UBTD2: variants seen among roughly 807,000 people sequenced by gnomAD.
UBTD2 encodes the protein ubiquitin domain-containing protein 2.
In UBTD2, 9 loss-of-function variants were observed where a neutral mutation model predicts 19.8. That is an observed-to-expected ratio of 0.46 (90% CI 0.27 to 0.79). The LOEUF (loss-of-function observed/expected upper bound fraction) is 0.79, where lower values mean the gene tolerates loss of function less well. Ranked by LOEUF, UBTD2 falls within the 30% of genes least tolerant of loss-of-function variation. The pLI is 0.14. For missense variants in UBTD2, 250 were observed against 300.4 expected (o/e 0.83, Z 1.24); for synonymous variants, 98 against 103.9 (o/e 0.94, Z 0.35).
chr5:172,234,434 T>G (rs1771968543), intron 1 of UBTD2, 76 bp from the exon 2 acceptor site: 2 of 1,211,072 alleles, frequency 1.7e-6, no homozygotes, highest in Non-Finnish European at 2.4e-6. Flanking sequence ...TGGTCATTCC[T>G]CTCTTGGATT....
intron 1 of UBTD2, among the ~76,000 whole-genome samples, chr5:172,235,137 T>G (rs1379372616): frequency 3.3e-5 from 5 of 152,106 alleles, no homozygotes; most frequent in South Asian, 4.1e-4. Context: ...TTAAAAGAAC[T>G]GCCTAGAAGG....
chr5:172,275,232 T>C (rs1345743645), intron 1 of UBTD2, among the ~76,000 whole-genome samples: 1 of 152,114 alleles, frequency 6.6e-6, no homozygotes, highest in Non-Finnish European at 1.5e-5. Context: ...ACCACAAATC[T>C]TGTGAGAACT....
At chr5:172,261,344 C>A (rs1350125048) in intron 1 of UBTD2, among the ~76,000 whole-genome samples, 1 of 152,164 alleles carries the variant, frequency 6.6e-6, no homozygotes, top group African/African-American at 2.4e-5. Context: ...AGAGCACAGG[C>A]CTAGAAAAGC....
chr5:172,223,561 T>C (rs1301576632), intron 2 of UBTD2, among the ~76,000 whole-genome samples: 1 of 113,234 alleles, frequency 8.8e-6, no homozygotes, highest in Non-Finnish European at 1.6e-5. Flanking sequence ...ATCACGCCAC[T>C]GCACTCCAGC....
chr5:172,260,435 C>T (rs1024303214), intron 1 of UBTD2, among the ~76,000 whole-genome samples: 2 of 152,096 alleles, frequency 1.3e-5, no homozygotes, highest in African/African-American at 4.8e-5. Flanking sequence ...ATTGATTATT[C>T]CCTTCTTAAA....
At chr5:172,263,547 C>T (rs911903353) in intron 1 of UBTD2, among the ~76,000 whole-genome samples, 6 of 152,204 alleles carry the variant, frequency 3.9e-5, no homozygotes, top group Admixed American at 6.5e-5. Context: ...ATAGTCCCAG[C>T]ACTTTGGGAG....
At chr5:172,236,951 C>A (rs1226368530) in intron 1 of UBTD2, among the ~76,000 whole-genome samples, 1 of 152,146 alleles carries the variant, frequency 6.6e-6, no homozygotes, top group African/African-American at 2.4e-5. Context: ...TTGTAAAACA[C>A]CTTCCTTACA....
intron 2 of UBTD2, among the ~76,000 whole-genome samples, chr5:172,221,505 AT>A (rs1389698013): frequency 1.3e-5 from 2 of 152,204 alleles, no homozygotes; most frequent in African/African-American, 4.8e-5. Flanking sequence ...CTATCTATAA[AT>A]AAATAATAAA....
At chr5:172,225,028 T>C (rs1771737140) in intron 2 of UBTD2, among the ~76,000 whole-genome samples, 1 of 152,144 alleles carries the variant, frequency 6.6e-6, no homozygotes, top group African/African-American at 2.4e-5. Flanking sequence ...AGTTTTAACA[T>C]AGTTCTAGCC....
intron 1 of UBTD2, among the ~76,000 whole-genome samples, chr5:172,243,774 G>A (rs1772180194): frequency 1.3e-5 from 2 of 151,806 alleles, no homozygotes; most frequent in Non-Finnish European, 2.9e-5. Context: ...TGTTGGCCAG[G>A]CTGGTCTCGA....
chr5:172,252,300 G>C (rs1268420399), intron 1 of UBTD2: 1 of 152,212 alleles, frequency 6.6e-6, no homozygotes, highest in Non-Finnish European at 1.5e-5. Flanking sequence ...CCCATACTTA[G>C]GATGGCACAG....
intron 1 of UBTD2, among the ~76,000 whole-genome samples, chr5:172,250,929 G>A (rs1444217754): frequency 1.3e-3 from 49 of 37,400 alleles, no homozygotes; most frequent in Middle Eastern, 0.024. Flanking sequence ...GCGAGACCCT[G>A]TCTCAAAAAA....
intron 2 of UBTD2, among the ~76,000 whole-genome samples, chr5:172,231,147 A>G (rs1350620076): frequency 2.6e-5 from 4 of 152,222 alleles, no homozygotes; most frequent in Non-Finnish European, 2.9e-5. Context: ...AATACCACTA[A>G]GCCAGTCTAG....
chr5:172,280,664 T>C (rs994660971), intron 1 of UBTD2, among the ~76,000 whole-genome samples: 3 of 152,014 alleles, frequency 2.0e-5, no homozygotes, highest in African/African-American at 7.3e-5. Context: ...TAACAAAATA[T>C]AAAAATAAAA....
At chr5:172,261,918 C>T (rs1755277447) in intron 1 of UBTD2, among the ~76,000 whole-genome samples, 1 of 152,052 alleles carries the variant, frequency 6.6e-6, no homozygotes, top group South Asian at 2.1e-4. Flanking sequence ...CCCACCACAC[C>T]CAGCCTCACT....
intron 1 of UBTD2, among the ~76,000 whole-genome samples, chr5:172,239,545 C>T (rs149908170): frequency 0.3 from 45,282 of 151,352 alleles, 6,821 homozygotes; most frequent in South Asian, 0.41. Flanking sequence ...CTCAGCCTCC[C>T]GAGTAGCCGG....
chr5:172,274,009 G>T (rs1224312275), intron 1 of UBTD2, among the ~76,000 whole-genome samples: 2 of 151,736 alleles, frequency 1.3e-5, no homozygotes, highest in Non-Finnish European at 2.9e-5. Context: ...GAAATTTTAG[G>T]CACCTCTCTC....
At chr5:172,274,853 G>A (rs1026109641) in intron 1 of UBTD2, among the ~76,000 whole-genome samples, 5 of 152,058 alleles carry the variant, frequency 3.3e-5, no homozygotes, top group African/African-American at 1.2e-4. Context: ...ATCCTAACAC[G>A]GTGAAACCCC....
chr5:172,278,312 G>A (rs576209161), intron 1 of UBTD2, among the ~76,000 whole-genome samples: 5 of 152,246 alleles, frequency 3.3e-5, no homozygotes, highest in African/African-American at 1.2e-4. Context: ...ATGGGCAGGA[G>A]TTGGAGACCA....
Sources: allele counts gnomAD v4.1 joint callset (sites outside exome capture counted in the v4.1 genomes callset), GRCh38; gene constraint gnomAD v4.1.1; transcripts MANE v1.5; gene names NCBI Gene and HGNC (gene_info 2026-07-23, HGNC 2026-07-21).